Variants in FAF1 observed in about 807,000 individuals in gnomAD.
The protein encoded by FAF1 is FAS-associated factor 1.
In FAF1, 25 loss-of-function variants were observed where a neutral mutation model predicts 92.5. The observed-to-expected ratio is 0.27, with a 90% CI of 0.20 to 0.38. The LOEUF (loss-of-function observed/expected upper bound fraction) is 0.38, where lower values mean the gene tolerates loss of function less well. Ranked by LOEUF, FAF1 falls within the 10% of genes least tolerant of loss-of-function variation. FAF1 has a pLI of 1.00. For missense variants in FAF1, 636 were observed against 793.3 expected (o/e 0.80, Z 2.38); for synonymous variants, 234 against 273.2 (o/e 0.86, Z 1.42).
chr1:50,808,784 A>C (rs1662309150), intron 2 of FAF1, among the ~76,000 whole-genome samples: 1 of 152,068 alleles, frequency 6.6e-6, no homozygotes, highest in Non-Finnish European at 1.5e-5. Flanking sequence ...TTTATTGTTT[A>C]CCCAAAGTCA....
At chr1:50,646,698 T>C (rs1406152650) in intron 8 of FAF1, among the ~76,000 whole-genome samples, 1 of 152,196 alleles carries the variant, frequency 6.6e-6, no homozygotes, top group East Asian at 1.9e-4. Flanking sequence ...ATTTATATAC[T>C]TCAGTTGTCA....
At chr1:50,686,561 G>C (rs575474693) in intron 7 of FAF1, among the ~76,000 whole-genome samples, 60 of 146,216 alleles carry the variant, frequency 4.1e-4, no homozygotes, top group Non-Finnish European at 8.0e-4. Flanking sequence ...GGAGGGGAGG[G>C]GAGGGAAGAG....
chr1:50,533,096 G>A (rs1472333110), intron 15 of FAF1, among the ~76,000 whole-genome samples: 1 of 152,066 alleles, frequency 6.6e-6, no homozygotes, highest in Non-Finnish European at 1.5e-5. Context: ...GATTACAGGT[G>A]TGAGCCACTG....
rs557693369 is a variant in FAF1 at position 50,910,662 on chromosome 1, C to T, written c.45+49105G>A. Among the ~76,000 whole-genome samples the T allele has an allele frequency of 6.6e-5, 10 of 151,824 alleles. No homozygotes were observed. In the East Asian group the frequency reaches 1.9e-3, roughly 29 times the overall value. ...GCTGTGCTAGCAGTGAGCAAGGCTC[C>T]GTGGCCGTGGGACCCTCCAAGCCAG... On this transcript the variant is annotated intron_variant, in intron 1 of 18. Transcript: ENST00000396153.
intron 10 of FAF1, 70 bp downstream of exon 10, chr1:50,584,615 T>C (rs1214219582): frequency 1.4e-6 from 2 of 1,467,924 alleles, no homozygotes; most frequent in Non-Finnish European, 1.9e-6. Flanking sequence ...TTAAGTTTAA[T>C]GTTCTTCATA....
intron 7 of FAF1, among the ~76,000 whole-genome samples, chr1:50,677,761 G>A (rs955758947): frequency 1.3e-5 from 2 of 151,732 alleles, no homozygotes; most frequent in Non-Finnish European, 2.9e-5. Flanking sequence ...GGGCATGGTG[G>A]GCGCATGCCT....
chr1:50,575,674 A>G (rs746318096), intron 12 of FAF1, among the ~76,000 whole-genome samples: 18 of 152,370 alleles, frequency 1.2e-4, no homozygotes, highest in South Asian at 2.1e-4. Flanking sequence ...CCCAGCTGTC[A>G]TACAAAATTA....
intron 2 of FAF1, among the ~76,000 whole-genome samples, chr1:50,816,187 CTT>C (rs946272870): frequency 7.1e-6 from 1 of 141,008 alleles, no homozygotes. Context: ...CTTTTGCCCA[CTT>C]TTTTTTTTCC....
chr1:50,812,380 A>G (rs1643924405), intron 2 of FAF1, among the ~76,000 whole-genome samples: 1 of 152,220 alleles, frequency 6.6e-6, no homozygotes, highest in Admixed American at 6.5e-5. Context: ...TTAATGAGCA[A>G]AAAACAAACA....
At chr1:50,681,157 C>T (rs1656403745) in intron 7 of FAF1, among the ~76,000 whole-genome samples, 1 of 152,126 alleles carries the variant, frequency 6.6e-6, no homozygotes, top group Admixed American at 6.5e-5. Flanking sequence ...AATGATTCTT[C>T]TGCCTCAGCC....
chr1:50,796,389 C>A (rs754961967), intron 3 of FAF1, among the ~76,000 whole-genome samples: 7 of 152,110 alleles, frequency 4.6e-5, no homozygotes, highest in Non-Finnish European at 1.0e-4. Flanking sequence ...CCACATCCTG[C>A]CAAAGCTACC....
At chr1:50,928,731 C>T (rs1282406730) in intron 1 of FAF1, among the ~76,000 whole-genome samples, 1 of 141,128 alleles carries the variant, frequency 7.1e-6, no homozygotes, top group African/African-American at 2.7e-5. Context: ...TGCACTGAAC[C>T]GAAATCACGC....
chr1:50,646,476 A>C (rs1654592138), intron 8 of FAF1, among the ~76,000 whole-genome samples: 1 of 152,240 alleles, frequency 6.6e-6, no homozygotes. Flanking sequence ...GAACAATTTA[A>C]ATAAATGAAT....
intron 4 of FAF1, among the ~76,000 whole-genome samples, chr1:50,782,176 T>G (rs975510840): frequency 6.6e-6 from 1 of 152,230 alleles, no homozygotes. Flanking sequence ...GTATACACTT[T>G]CTTTTTGTTT....
chr1:50,781,027 G>A, intron 4 of FAF1: 3 of 461,862 alleles, frequency 6.5e-6, no homozygotes, highest in South Asian at 4.7e-5. Flanking sequence ...GGCCACTGTG[G>A]GTGACAGCCT....
At position 50,599,685 on chromosome 1, in the gene FAF1, T is replaced by C. The variant is rs562100421; in HGVS notation, c.745-3469A>G. 1.1e-4 allele frequency among the ~76,000 whole-genome samples: 17 copies of C among 152,326 alleles called. No homozygotes were observed. The East Asian group carries it at 2.3e-3, about 21-fold the overall frequency. On this transcript the variant is annotated intron_variant, in intron 8 of 18. Coordinates refer to ENST00000396153, the MANE Select transcript of FAF1 (RefSeq NM_007051.3). Reference sequence around the variant, plus strand: ...GTATGTATAAAGGACTTCTACAGCATACCAAAGTATAATGGATGGGTTGAA... The same window carrying C: ...GTATGTATAAAGGACTTCTACAGCACACCAAAGTATAATGGATGGGTTGAA...
intron 4 of FAF1, among the ~76,000 whole-genome samples, chr1:50,764,939 TGG>T (rs1289956889): frequency 5.3e-5 from 8 of 152,306 alleles, no homozygotes; most frequent in Non-Finnish European, 1.0e-4. Context: ...GAAACTAGGG[TGG>T]TTCACATTCA....
chr1:50,924,821 A>C (rs1644991374), intron 1 of FAF1, among the ~76,000 whole-genome samples: 1 of 152,162 alleles, frequency 6.6e-6, no homozygotes, highest in African/African-American at 2.4e-5. Context: ...TGTCTCTCCA[A>C]AAAATACAAA....
rs765893945 is a variant in FAF1 at position 50,497,641 on chromosome 1, C to G, written c.1495-5840G>C. Among the ~76,000 whole-genome samples the G allele has an allele frequency of 3.4e-5, 5 of 148,062 alleles. No individual in the cohort carries two copies. The East Asian group carries it at 5.9e-4, about 18-fold the overall frequency. ...TCGGCTCATTGCAACCTCCACCCCC[C>G]CAGGTTTAAGCAATTCTCTGCCTCA... On this transcript the variant is annotated intron_variant, in intron 15 of 18. Transcript: ENST00000396153.
Sources: allele counts gnomAD v4.1 joint callset (sites outside exome capture counted in the v4.1 genomes callset), GRCh38; gene constraint gnomAD v4.1.1; transcripts MANE v1.5; gene names NCBI Gene and HGNC (gene_info 2026-07-23, HGNC 2026-07-21).